Variants in GPC5 observed in about 807,000 individuals in gnomAD.
GPC5 encodes glypican 5.
A neutral mutation model predicts 53.9 loss-of-function variants in GPC5; 47 were observed. The ratio of observed to expected loss-of-function variants is 0.87; its 90% CI spans 0.69 to 1.11. GPC5 has a LOEUF of 1.11. Among genes scored for constraint, GPC5 ranks in the 50% most tolerant of loss-of-function variants. The pLI is 0.00. For missense variants in GPC5, 748 were observed against 713.1 expected (o/e 1.05, Z -0.56); for synonymous variants, 286 against 263.3 (o/e 1.09, Z -0.84).
At chr13:92,720,495 G>T (rs568582926) in intron 7 of GPC5, among the ~76,000 whole-genome samples, 3 of 151,786 alleles carry the variant, frequency 2.0e-5, no homozygotes, top group Non-Finnish European at 4.4e-5. Flanking sequence ...GTTAATTTTG[G>T]TTAGTTATAC....
At chr13:92,544,858 A>G (rs1239359483) in intron 7 of GPC5, among the ~76,000 whole-genome samples, 1 of 151,946 alleles carries the variant, frequency 6.6e-6, no homozygotes, top group Non-Finnish European at 1.5e-5. Flanking sequence ...TTTTATGTGA[A>G]TGAAGGGGGT....
At chr13:92,438,557 C>T (rs1395295086) in intron 7 of GPC5, among the ~76,000 whole-genome samples, 1 of 151,828 alleles carries the variant, frequency 6.6e-6, no homozygotes, top group African/African-American at 2.4e-5. Context: ...CAAGATGCTA[C>T]ATGATTAAGT....
At chr13:91,840,462 A>G (rs1165321602) in intron 5 of GPC5, among the ~76,000 whole-genome samples, 4 of 152,110 alleles carry the variant, frequency 2.6e-5, no homozygotes, top group African/African-American at 9.7e-5. Flanking sequence ...AAACTGTATT[A>G]ACGGTTTGAG....
intron 7 of GPC5, among the ~76,000 whole-genome samples, chr13:92,528,621 A>T (rs1308221903): frequency 6.6e-6 from 1 of 152,104 alleles, no homozygotes; most frequent in Non-Finnish European, 1.5e-5. Flanking sequence ...AAAATCTTAA[A>T]TTAACTCACT....
intron 7 of GPC5, among the ~76,000 whole-genome samples, chr13:92,400,006 A>G (rs1031396144): frequency 2.0e-5 from 3 of 152,128 alleles, no homozygotes; most frequent in African/African-American, 7.2e-5. Context: ...GAATTTATGA[A>G]AAAGATCATT....
chr13:91,878,963 TTC>T (rs1441076662), intron 5 of GPC5, among the ~76,000 whole-genome samples: 1 of 152,152 alleles, frequency 6.6e-6, no homozygotes, highest in African/African-American at 2.4e-5. Context: ...AGCCTAAGAT[TTC>T]TCTCTATAAT....
At chr13:92,183,587 A>AT (rs2139038633) in intron 7 of GPC5, among the ~76,000 whole-genome samples, 2 of 152,270 alleles carry the variant, frequency 1.3e-5, no homozygotes, top group Admixed American at 1.3e-4. Context: ...TTATATATAA[A>AT]TTTTAAGATT....
chr13:91,899,113 GC>G (rs1219243264), intron 5 of GPC5, among the ~76,000 whole-genome samples: 1 of 152,078 alleles, frequency 6.6e-6, no homozygotes, highest in Non-Finnish European at 1.5e-5. Context: ...TAATAAACTA[GC>G]CCTTCATTGC....
At chr13:92,779,918 C>A (rs1260580549) in intron 7 of GPC5, among the ~76,000 whole-genome samples, 1 of 152,036 alleles carries the variant, frequency 6.6e-6, no homozygotes, top group Non-Finnish European at 1.5e-5. Context: ...AGCTTAATTT[C>A]TTTACAGAGG....
chr13:92,391,176 CAG>C (rs1209410588), intron 7 of GPC5, among the ~76,000 whole-genome samples: 2 of 152,010 alleles, frequency 1.3e-5, no homozygotes, highest in Non-Finnish European at 2.9e-5. Context: ...ATTTATTAAA[CAG>C]AGAAAACAAA....
chr13:92,439,440 C>T (rs1877457617), intron 7 of GPC5, among the ~76,000 whole-genome samples: 2 of 152,106 alleles, frequency 1.3e-5, no homozygotes, highest in Non-Finnish European at 2.9e-5. Flanking sequence ...AATCTGAATA[C>T]TTTCTTTTTC....
chr13:91,970,449 A>G (rs1309026405), intron 6 of GPC5, among the ~76,000 whole-genome samples: 1 of 151,290 alleles, frequency 6.6e-6, no homozygotes, highest in African/African-American at 2.5e-5. Flanking sequence ...TCACACATAC[A>G]CACATACATA....
intron 7 of GPC5, among the ~76,000 whole-genome samples, chr13:92,707,856 C>A (rs1888004483): frequency 6.6e-6 from 1 of 152,018 alleles, no homozygotes; most frequent in African/African-American, 2.4e-5. Flanking sequence ...ATTTCTGGTC[C>A]TTTACCTGAG....
chr13:91,526,755 A>G (rs895270828), intron 2 of GPC5, among the ~76,000 whole-genome samples: 19 of 152,318 alleles, frequency 1.2e-4, no homozygotes, highest in African/African-American at 4.6e-4. Context: ...TGAAGAAAAG[A>G]GATGTAATTG....
intron 7 of GPC5, among the ~76,000 whole-genome samples, chr13:92,522,319 G>A (rs1165165805): frequency 5.9e-5 from 9 of 152,042 alleles, no homozygotes; most frequent in Non-Finnish European, 1.0e-4. Context: ...ACATGCACAC[G>A]TATGTTTATT....
In GPC5 at chr13:91,448,698, A is replaced by G. The variant is rs991147810; in HGVS notation, c.164-63A>G. The G allele has an allele frequency of 3.3e-6, 5 of 1,536,764 alleles. No individual in the cohort carries two copies. The African/African-American group carries it at 6.9e-5, about 21-fold the overall frequency. On this transcript the variant is annotated intron_variant, in intron 1 of 7. Transcript: ENST00000377067. Reference sequence around the variant, plus strand: ...TGCAGGACTGGTCATAACGCCTGATATATAATATGTAATACTTGTTAAATG... The same window carrying G: ...TGCAGGACTGGTCATAACGCCTGATGTATAATATGTAATACTTGTTAAATG...
intron 7 of GPC5, among the ~76,000 whole-genome samples, chr13:92,859,311 G>T (rs186198829): frequency 1.3e-5 from 2 of 152,088 alleles, no homozygotes; most frequent in East Asian, 3.9e-4. Context: ...CTCTGTTATT[G>T]TTTCTTTAAA....
intron 2 of GPC5, among the ~76,000 whole-genome samples, chr13:91,691,769 T>C (rs1786701340): frequency 6.6e-6 from 1 of 152,142 alleles, no homozygotes. Context: ...TCTCTGCACC[T>C]CTGCATTTTG....
chr13:92,604,645 A>G (rs1884191037), intron 7 of GPC5, among the ~76,000 whole-genome samples: 2 of 152,218 alleles, frequency 1.3e-5, no homozygotes, highest in Non-Finnish European at 1.5e-5. Context: ...TTGCCTGAAA[A>G]TGACGTTTGA....
Sources: gnomAD v4.1 joint callset for allele counts (sites outside exome capture counted in the v4.1 genomes callset) on GRCh38, gnomAD v4.1.1 for gene constraint, MANE v1.5 for transcripts, NCBI Gene and HGNC (gene_info 2026-07-23, HGNC 2026-07-21) for gene names.